MEX3C: variants seen among roughly 807,000 people sequenced by gnomAD.
The protein encoded by MEX3C is mex-3 RNA binding family member C, also known as RNA-binding E3 ubiquitin-protein ligase MEX3C.
A neutral mutation model predicts 35.5 loss-of-function variants in MEX3C; 15 were observed. That is an observed-to-expected ratio of 0.42 (90% confidence interval 0.28 to 0.65). MEX3C has a LOEUF of 0.65. Among genes scored for constraint, MEX3C ranks in the 30% least tolerant of loss-of-function variants. The pLI, the probability that MEX3C is intolerant of heterozygous loss-of-function variation, is 0.20. For synonymous variants in MEX3C, 390 were observed against 352.8 expected, an observed-to-expected ratio of 1.11 and a Z score of -1.18; for missense variants, 711 against 842.8, an observed-to-expected ratio of 0.84 and a Z score of 1.94.
In MEX3C at chr18:51,185,320, C is replaced by T. The variant is rs185607545; in HGVS notation, c.755-7744G>A. Among the ~76,000 whole-genome samples, 305 of 152,208 alleles carry T rather than the reference C, an allele frequency of 2.0e-3. 1 individual carries two copies. Among genetic ancestry groups the T allele is most frequent in the Non-Finnish European group, 1.3e-3 (86 of 68,004 alleles). On this transcript the variant is annotated intron_variant, in intron 1 of 1. Coordinates refer to ENST00000406189, the MANE Select transcript of MEX3C (RefSeq NM_016626.5). ...CCTGGCTTGTGACTCATCTTCAGAG[C>T]GAGCAATGGAGGCTGAGTCCTTCTC...
chr18:51,196,456 G>A (rs1912789502), intron 1 of MEX3C, 111 bp downstream of exon 1: 7 of 1,466,794 alleles, frequency 4.8e-6, no homozygotes, highest in Non-Finnish European at 6.3e-6. Flanking sequence ...CCTTCGCGGT[G>A]GACTTGGGGG....
At position 51,177,411 on chromosome 18, in the gene MEX3C, C is replaced by T. The variant is rs747165129; in HGVS notation, c.920G>A (p.Arg307Gln). The change falls in exon 2 of 2, where the codon CGA becomes CAA. Residue 307 changes from arginine to glutamine, a missense_variant. Transcript: ENST00000406189. This position sits in a 1 kb window ranked among gnomAD's most constrained non-coding sequence, Gnocchi z 4.2. ...AEHFSMIRAS[R>Q]NKNGPALGGL... ...TCCCAGGGCAGGCCCATTTTTGTTT[C>T]GAGATGCACGAATCATGGAGAAGTG... 2 of 1,613,888 alleles carry T rather than the reference C, an allele frequency of 1.2e-6. No individual in the cohort carries two copies. The highest frequency in any genetic ancestry group is 8.5e-7 in the Non-Finnish European group (1 of 1,179,874).
intron 1 of MEX3C, among the ~76,000 whole-genome samples, chr18:51,192,583 T>G (rs1215730020): frequency 2.6e-5 from 4 of 152,170 alleles, no homozygotes; most frequent in Non-Finnish European, 2.9e-5. Context: ...GATAGTGGTA[T>G]TTTAAATTAT....
Position 51,176,486 on chromosome 18 carries a change from C to T in MEX3C, c.1845G>A (p.Glu615=), listed in dbSNP as rs1318487755. Residue 615 remains glutamate (E), a synonymous_variant, in exon 2 of 2, where the codon GAG becomes GAA. Transcript: ENST00000406189. ...CACATGGAACTAGGGCAGCAATAAC[C>T]TCATTCTCAAAGCAAATCACACAGT... ...KHDCVICFEN[E]VIAALVPCGH... 1.2e-6 allele frequency: 2 copies of T among 1,613,998 alleles called. No homozygotes were observed. Among genetic ancestry groups the T allele is most frequent in the Non-Finnish European group, 1.7e-6 (2 of 1,179,886 alleles).
chr18:51,183,993 C>A (rs1052279746), intron 1 of MEX3C, among the ~76,000 whole-genome samples: 1 of 151,836 alleles, frequency 6.6e-6, no homozygotes, highest in South Asian at 2.1e-4. Flanking sequence ...AGAGTGAGAC[C>A]CTGTCTCTTA....
intron 1 of MEX3C, among the ~76,000 whole-genome samples, chr18:51,185,742 G>C (rs1368314100): frequency 2.0e-5 from 3 of 152,068 alleles, no homozygotes; most frequent in African/African-American, 7.2e-5. Flanking sequence ...ACGGGCATTG[G>C]AATAGGTGAA....
chr18:51,179,036 C>T (rs1422552104), intron 1 of MEX3C, among the ~76,000 whole-genome samples: 7 of 150,494 alleles, frequency 4.7e-5, no homozygotes, highest in African/African-American at 1.7e-4. Context: ...CAGAGTCTCG[C>T]TCTGTCACCC....
At chr18:51,185,593 A>T (rs543301145) in intron 1 of MEX3C, among the ~76,000 whole-genome samples, 6 of 152,274 alleles carry the variant, frequency 3.9e-5, no homozygotes, top group Admixed American at 3.3e-4. Context: ...TCTGCCTATG[A>T]CATTACCTTT....
chr18:51,189,604 T>A (rs1912612186), intron 1 of MEX3C, among the ~76,000 whole-genome samples: 1 of 152,188 alleles, frequency 6.6e-6, no homozygotes, highest in African/African-American at 2.4e-5. Flanking sequence ...ATGAAAAGTT[T>A]TATTATTTGG....
At chr18:51,182,691 A>C (rs1912456878) in intron 1 of MEX3C, among the ~76,000 whole-genome samples, 1 of 152,180 alleles carries the variant, frequency 6.6e-6, no homozygotes. Flanking sequence ...AAATAAAGAG[A>C]GCTTTTCCTA....
intron 1 of MEX3C, among the ~76,000 whole-genome samples, chr18:51,180,775 G>C (rs1912410597): frequency 6.6e-6 from 1 of 152,166 alleles, no homozygotes; most frequent in African/African-American, 2.4e-5. Flanking sequence ...GAGCCATCGT[G>C]CCTGGCCACC....
At chr18:51,192,253 A>G (rs1912667616) in intron 1 of MEX3C, among the ~76,000 whole-genome samples, 1 of 152,146 alleles carries the variant, frequency 6.6e-6, no homozygotes, top group African/African-American at 2.4e-5. Context: ...CTAGTGAATC[A>G]GAATAGTTCA....
At chr18:51,195,535 CTTTA>C (rs933160136) in intron 1 of MEX3C, 16 of 152,330 alleles carry the variant, frequency 1.1e-4, no homozygotes, top group African/African-American at 3.4e-4. Flanking sequence ...CATCATCTCT[CTTTA>C]TTTGACCCCA....
At chr18:51,193,851 G>GATA (rs2144559635) in intron 1 of MEX3C, 1 of 152,184 alleles carries the variant, frequency 6.6e-6, no homozygotes, top group East Asian at 1.9e-4. Context: ...TGAGTTGCTA[G>GATA]TCTATGTGAC....
chr18:51,196,356 CTT>C (rs1912786634), intron 1 of MEX3C: 1 of 1,195,468 alleles, frequency 8.4e-7, no homozygotes, highest in South Asian at 1.6e-5. Context: ...AAACTTCACA[CTT>C]TTTACCAGGC....
At chr18:51,188,902 C>A (rs113793052) in intron 1 of MEX3C, among the ~76,000 whole-genome samples, 3,101 of 152,240 alleles carry the variant, frequency 0.02, 104 homozygotes, top group African/African-American at 0.07. Flanking sequence ...TTTTCTTATA[C>A]TGTTGGTTGG....
At position 51,176,123 on chromosome 18, in the gene MEX3C, G is replaced by A; in HGVS notation, c.*228C>T. The A allele has an allele frequency of 2.4e-6, 1 of 414,828 alleles. No homozygotes were observed. The highest frequency in any genetic ancestry group is 4.2e-6 in the Non-Finnish European group (1 of 235,796). The allele number at this position is 414,828 out of a possible 1,614,324, so 25.7% of individuals were successfully genotyped here. ...ATTCTTATATAAACTATGTCTCTGG[G>A]TCTACAGGATAGTACTAATAATTCA... On this transcript the variant is annotated 3_prime_UTR_variant, in exon 2 of 2. Coordinates refer to ENST00000406189, the MANE Select transcript of MEX3C (RefSeq NM_016626.5).
intron 1 of MEX3C, 23 bp downstream of exon 1, chr18:51,196,544 G>T: frequency 6.4e-7 from 1 of 1,553,902 alleles, no homozygotes. Context: ...TGCCCAGCTG[G>T]ACCTCCCCAC....
intron 1 of MEX3C, among the ~76,000 whole-genome samples, chr18:51,185,218 T>C (rs1912512101): frequency 6.6e-6 from 1 of 152,232 alleles, no homozygotes; most frequent in African/African-American, 2.4e-5. Flanking sequence ...ATTTGATTGC[T>C]TGCAGTGAAA....
Sources: allele counts gnomAD v4.1 joint callset (sites outside exome capture counted in the v4.1 genomes callset), GRCh38; gene constraint gnomAD v4.1.1; non-coding constraint Gnocchi (gnomAD v3.1); transcripts MANE v1.5; gene names NCBI Gene and HGNC (gene_info 2026-07-23, HGNC 2026-07-21).